KRT85: variants seen among roughly 807,000 people sequenced by gnomAD.
KRT85 encodes keratin, type II cuticular Hb5.
A neutral mutation model predicts 53.7 loss-of-function variants in KRT85; 39 were observed. That is an observed-to-expected ratio of 0.73 (90% CI 0.56 to 0.95). The LOEUF is 0.95. Ranked by LOEUF, KRT85 falls within the 40% of genes least tolerant of loss-of-function variation. The pLI, the probability that KRT85 is intolerant of heterozygous loss-of-function variation, is 0.00. For synonymous variants in KRT85, 291 were observed against 277.5 expected, an observed-to-expected ratio of 1.05 and a Z score of -0.48; for missense variants, 668 against 686.0, an observed-to-expected ratio of 0.97 and a Z score of 0.29.
Position 52,365,110 on chromosome 12 carries a change from G to A in KRT85, c.481C>T (p.Gln161Ter). Residue 161 changes from glutamine (Q) to a stop codon, truncating the protein, a stop_gained, in exon 2 of 9, where the codon CAG becomes TAG. Coordinates refer to ENST00000257901, the MANE Select transcript of KRT85 (RefSeq NM_002283.4). LOFTEE classifies it high-confidence loss of function. ...LETKWQFYQN[Q>*]RCCESNLEPL... ...TCCAGGTTGCTCTCGCAGCAGCGCT[G>A]GTTCTGGTAGAACTGCCACTTGGTC... 1 of 1,614,226 alleles carries A rather than the reference G, an allele frequency of 6.2e-7. No individual in the cohort carries two copies. The highest frequency in any genetic ancestry group is 1.1e-5 in the South Asian group (1 of 91,086).
At chr12:52,362,113 A>G (rs1939198936) in intron 7 of KRT85, 138 bp downstream of exon 7, 1 of 1,048,942 alleles carries the variant, frequency 9.5e-7, no homozygotes. Context: ...AGAAGCATTC[A>G]GTTATTATTA....
intron 6 of KRT85, 62 bp from the exon 7 acceptor site, chr12:52,362,533 G>A: frequency 1.3e-6 from 2 of 1,591,624 alleles, no homozygotes; most frequent in South Asian, 2.2e-5. Flanking sequence ...GCTCACCCAA[G>A]CTGATGGAGC....
At chr12:52,361,573 G>A in intron 7 of KRT85, 75 bp from the exon 8 acceptor site, 1 of 1,373,256 alleles carries the variant, frequency 7.3e-7, no homozygotes, top group East Asian at 2.3e-5. Context: ...CTTGGGGACA[G>A]AGAGGGTCAT....
rs1194011560 is a variant in KRT85, at chr12:52,364,346, A to G, written c.650T>C (p.Leu217Pro). The G allele has an allele frequency of 6.2e-7, 1 of 1,614,026 alleles. No homozygotes were observed. Among genetic ancestry groups the G allele is most frequent in the Non-Finnish European group, 8.5e-7 (1 of 1,180,032 alleles). Residue 217 changes from leucine to proline, a missense_variant, in exon 3 of 9, where the codon CTG (leucine) becomes CCG (proline). By Grantham distance (98) the Leu-to-Pro change is moderately conservative. This residue lies in a region of KRT85 where 488 missense variants were observed against 498.1 expected (regional missense o/e 0.98). Transcript: ENST00000257901. ...AAACTCATTCTCTGCTGTGGCTCTC[A>G]GGGCCACCTCCTCTTCATACCTGGG... ...YKKKYEEEVA[L>P]RATAENEFVV... is the part of the protein sequence containing the mutation.
intron 2 of KRT85, chr12:52,364,606 A>G: frequency 1.4e-6 from 2 of 1,440,646 alleles, no homozygotes; most frequent in Non-Finnish European, 1.8e-6. Context: ...CCTTCCCCCA[A>G]GTCTAAAATC....
intron 8 of KRT85, 52 bp from the exon 9 acceptor site, chr12:52,361,098 A>C (rs1477299200): frequency 6.8e-7 from 1 of 1,479,048 alleles, no homozygotes. Flanking sequence ...AATCTCACCC[A>C]CCCTACAACA....
intron 8 of KRT85, 90 bp downstream of exon 8, chr12:52,361,376 GA>G (rs1460828097): frequency 1.0e-5 from 12 of 1,191,474 alleles, no homozygotes; most frequent in Non-Finnish European, 1.5e-5. Context: ...ACAGTTGGGG[GA>G]ACACTCGAGG....
intron 2 of KRT85, 68 bp downstream of exon 2, chr12:52,364,894 G>T (rs1215238478): frequency 1.2e-6 from 2 of 1,610,428 alleles, no homozygotes; most frequent in African/African-American, 1.3e-5. Context: ...TGGCAAGAGG[G>T]CTATGGGCAG....
chr12:52,362,745 T>C, intron 6 of KRT85, 109 bp downstream of exon 6: 1 of 1,537,744 alleles, frequency 6.5e-7, no homozygotes, highest in Admixed American at 1.7e-5. Context: ...ATAGAGCCCC[T>C]CCCTTCCCTC....
chr12:52,366,072 T>A (rs1939267102), intron 1 of KRT85, among the ~76,000 whole-genome samples: 3 of 152,164 alleles, frequency 2.0e-5, no homozygotes, highest in African/African-American at 7.2e-5. Context: ...AGGAGGAGCC[T>A]GTGAAGGAGG....
At chr12:52,363,447 C>A (rs752027000) in intron 4 of KRT85, 37 bp from the exon 5 acceptor site, 5 of 1,613,404 alleles carry the variant, frequency 3.1e-6, no homozygotes, top group Non-Finnish European at 4.2e-6. Context: ...GCTTCTAGTG[C>A]CTGATCTGGG....
At chr12:52,364,750 C>T (rs1212252540) in intron 2 of KRT85, 15 of 1,361,866 alleles carry the variant, frequency 1.1e-5, no homozygotes, top group Non-Finnish European at 1.5e-5. Context: ...TCTCTTCATT[C>T]CCCCAGAAGT....
Position 52,367,380 on chromosome 12 carries a change from C to T in KRT85, c.26G>A (p.Ser9Asn). 6.2e-7 allele frequency: 1 copy of T among 1,614,098 alleles called. No individual in the cohort carries two copies. The highest frequency in any genetic ancestry group is 8.5e-7 in the Non-Finnish European group (1 of 1,180,018). ...GTTCCTGGTGACCCCGCATCCTGAG[C>T]TGATCCTGTAGGAGCGGCACGACAT... MSCRSYRI[S>N]SGCGVTRNFS... Residue 9 changes from serine to asparagine, a missense_variant, in exon 1 of 9, where the codon AGC (serine) becomes AAC (asparagine). This residue lies in a region of KRT85 where 158 missense variants were observed against 141.8 expected (regional missense o/e 1.11). Transcript: ENST00000257901.
chr12:52,367,212 C>CG lies in KRT85; in HGVS notation c.193dup (p.Arg65ProfsTer148). On this transcript the variant is annotated frameshift_variant, in exon 1 of 9. Transcript: ENST00000257901. LOFTEE classifies it high-confidence loss of function. ...GGCTCGGAAGCCACCTACAGCTATC[C>CG]GGGGCCCGCAGGAGCCCAGGTTGCA... is the stretch of plus-strand genomic sequence containing the variant. 6.2e-7 allele frequency: 1 copy of CG among 1,613,614 alleles called. No individual in the cohort carries two copies.
At position 52,364,551 on chromosome 12, in the gene KRT85, C is replaced by T. The variant is rs530022237; in HGVS notation, c.630-185G>A. ...CCCTTGTCCTAGCCTGGCTTCATTCCGCCGCAGTCCTTCTGCCTCTGAGAT... is the reference window on the plus strand; with the variant it reads ...CCCTTGTCCTAGCCTGGCTTCATTCTGCCGCAGTCCTTCTGCCTCTGAGAT... On this transcript the variant is annotated intron_variant, in intron 2 of 8. Coordinates refer to ENST00000257901, the MANE Select transcript of KRT85 (RefSeq NM_002283.4). The T allele has an allele frequency of 4.8e-4, 703 of 1,466,048 alleles. 1 individual carries two copies. The African/African-American group carries it at 8.6e-3, about 18-fold the overall frequency. The allele number at this position is 1,466,048 out of a possible 1,614,324, so 90.8% of individuals were successfully genotyped here.
Position 52,363,327 on chromosome 12 carries a change from G to T in KRT85, c.870C>A (p.Cys290Ter). ...ACTGAGCCTTGATCTCAGCGATGAT[G>T]CAGTCCATGTTCAGGTCTCGGCTGT... Reference protein sequence around the residue: ...MDNSRDLNMDCIIAEIKAQYD... With the variant: ...MDNSRDLNMD Residue 290 changes from cysteine (C) to a stop codon, truncating the protein, a stop_gained, in exon 5 of 9, where the codon TGC (cysteine) becomes TGA (stop). Coordinates refer to ENST00000257901, the MANE Select transcript of KRT85 (RefSeq NM_002283.4). LOFTEE classifies it high-confidence loss of function. 6.2e-7 allele frequency: 1 copy of T among 1,614,162 alleles called. No individual in the cohort carries two copies. The highest frequency in any genetic ancestry group is 8.5e-7 in the Non-Finnish European group (1 of 1,180,028).
chr12:52,364,464 A>T lies in KRT85; in HGVS notation c.630-98T>A, dbSNP rs751054871. 6.2e-6 allele frequency: 10 copies of T among 1,605,280 alleles called. No individual in the cohort carries two copies. In the African/African-American group the frequency reaches 1.1e-4, roughly 17 times the overall value. The stretch of plus-strand genomic sequence containing the variant: ...TCTTCCGGGGATTGAAAAGGGATTA[A>T]TCCCCTCCAGATGTTGTCTTGGCCC... On this transcript the variant is annotated intron_variant, in intron 2 of 8. Transcript: ENST00000257901.
Position 52,365,022 on chromosome 12 carries a change from C to T in KRT85, c.569G>A (p.Ser190Asn), listed in dbSNP as rs1939250529. 1 of 1,613,252 alleles carries T rather than the reference C, an allele frequency of 6.2e-7. No individual in the cohort carries two copies. The highest frequency in any genetic ancestry group is 8.5e-7 in the Non-Finnish European group (1 of 1,180,044). ...GTTGAGCTCTGAGGCCAGCCTCCCG[C>T]TGTCGGCCTCCACGCACTCGGCCTC... The part of the protein sequence containing the change: ...RREAECVEAD[S>N]GRLASELNHV... Residue 190 changes from serine to asparagine, a missense_variant, in exon 2 of 9, where the codon AGC (serine) becomes AAC (asparagine). Physicochemically the swap from Ser to Asn is conservative, Grantham distance 46. Coordinates refer to ENST00000257901, the MANE Select transcript of KRT85 (RefSeq NM_002283.4).
chr12:52,366,933 C>G (rs1037651850), intron 1 of KRT85, 53 bp downstream of exon 1: 3 of 1,613,902 alleles, frequency 1.9e-6, no homozygotes, highest in East Asian at 2.2e-5. Context: ...TGGGACCTCC[C>G]CAAGGGAGGA....
Sources: gnomAD v4.1 joint callset for allele counts (sites outside exome capture counted in the v4.1 genomes callset) on GRCh38, gnomAD v4.1.1 for gene constraint, gnomAD v4.1.1 regional missense constraint, MANE v1.5 for transcripts, NCBI Gene and HGNC (gene_info 2026-07-23, HGNC 2026-07-21) for gene names.